NCAM1: variants seen among roughly 807,000 people sequenced by gnomAD.
NCAM1 encodes antigen recognized by monoclonal antibody 5.1H11.
Under a neutral mutation model 109.8 loss-of-function variants are expected in NCAM1, and 14 were observed. The ratio of observed to expected loss-of-function variants is 0.13; its 90% confidence interval spans 0.08 to 0.20. NCAM1 has a LOEUF of 0.20. Ranked by LOEUF, NCAM1 falls within the 10% of genes least tolerant of loss-of-function variation. The pLI is 1.00. For synonymous variants in NCAM1, 418 were observed against 442.9 expected (o/e 0.94, Z 0.70); for missense variants, 774 against 1,109.9 (o/e 0.70, Z 4.30).
chr11:113,026,500 CT>C (rs1591260746), intron 1 of NCAM1, among the ~76,000 whole-genome samples: 1 of 152,186 alleles, frequency 6.6e-6, no homozygotes, highest in African/African-American at 2.4e-5. Context: ...TCTTCTTGAG[CT>C]AGTGGCACCC....
At chr11:113,190,850 C>T (rs1943654977) in intron 1 of NCAM1, among the ~76,000 whole-genome samples, 1 of 152,034 alleles carries the variant, frequency 6.6e-6, no homozygotes, top group Non-Finnish European at 1.5e-5. Context: ...AGTGTGACCT[C>T]CAACAGGAAT....
At chr11:113,082,535 A>T (rs979049908) in intron 1 of NCAM1, among the ~76,000 whole-genome samples, 2 of 152,244 alleles carry the variant, frequency 1.3e-5, no homozygotes, top group African/African-American at 4.8e-5. Context: ...GTTACTTTTC[A>T]TCGGCTGGAA....
At chr11:113,000,903 G>T (rs1452533589) in intron 1 of NCAM1, among the ~76,000 whole-genome samples, 3 of 147,716 alleles carry the variant, frequency 2.0e-5, no homozygotes, top group Non-Finnish European at 4.5e-5. Flanking sequence ...ACGTGTATAT[G>T]TATATGTGTA....
intron 1 of NCAM1, among the ~76,000 whole-genome samples, chr11:112,994,843 C>T (rs554313783): frequency 6.6e-6 from 1 of 152,212 alleles, no homozygotes; most frequent in African/African-American, 2.4e-5. Context: ...ATCTTGTAAT[C>T]TTTGTTTGTC....
intron 1 of NCAM1, among the ~76,000 whole-genome samples, chr11:113,197,591 G>T (rs1555111050): frequency 6.6e-6 from 1 of 152,098 alleles, no homozygotes; most frequent in East Asian, 1.9e-4. Flanking sequence ...ATCTTGCTTG[G>T]GTGTGTCTAC....
At chr11:112,973,135 A>T (rs1950926551) in intron 1 of NCAM1, among the ~76,000 whole-genome samples, 2 of 152,182 alleles carry the variant, frequency 1.3e-5, no homozygotes, top group East Asian at 3.9e-4. Context: ...GACCTTTAAA[A>T]AATGTTTCTA....
intron 1 of NCAM1, among the ~76,000 whole-genome samples, chr11:113,017,844 A>G (rs985559800): frequency 6.6e-6 from 1 of 152,214 alleles, no homozygotes; most frequent in African/African-American, 2.4e-5. Flanking sequence ...CAATATTACA[A>G]TATTTGAATA....
chr11:113,187,563 C>CTGTGTGTGTGTG (rs33947463), intron 1 of NCAM1, among the ~76,000 whole-genome samples: 2,096 of 147,212 alleles, frequency 0.014, 50 homozygotes, highest in African/African-American at 0.049. Flanking sequence ...GTGTGTGTTT[C>CTGTGTGTGTGTG]TGTGTGTGTG....
At chr11:113,216,354 G>C (rs1386100135) in intron 8 of NCAM1, among the ~76,000 whole-genome samples, 2 of 151,652 alleles carry the variant, frequency 1.3e-5, no homozygotes, top group Middle Eastern at 3.2e-3. Context: ...GGGTTTCACC[G>C]TGTTAGCCAG....
At chr11:113,238,511 A>C (rs547462090) in intron 14 of NCAM1, among the ~76,000 whole-genome samples, 2 of 152,164 alleles carry the variant, frequency 1.3e-5, no homozygotes, top group African/African-American at 4.8e-5. Context: ...GAAAACAGAT[A>C]TCATTGGGAG....
At position 113,214,448 on chromosome 11, in the gene NCAM1, C is replaced by G. The variant is rs528456293; in HGVS notation, c.996C>G (p.Ser332=). The change falls in exon 8 of 20, where the codon TCC becomes TCG. Residue 332 remains serine (S), a synonymous_variant. Transcript: ENST00000316851. ...EEQVTLTCEA[S]GDPIPSITWR... ...AGGTCACTCTTACCTGTGAAGCCTC[C>G]GGAGACCCCATTCCCTCCATCACCT... The G allele has an allele frequency of 6.2e-7, 1 of 1,613,388 alleles. No homozygotes were observed. Among genetic ancestry groups the G allele is most frequent in the Non-Finnish European group, 8.5e-7 (1 of 1,179,608 alleles).
At chr11:112,966,112 A>G (rs1036851913) in intron 1 of NCAM1, among the ~76,000 whole-genome samples, 4 of 152,242 alleles carry the variant, frequency 2.6e-5, no homozygotes, top group Non-Finnish European at 5.9e-5. Flanking sequence ...CAGTTATAAC[A>G]TATAGACTAA....
intron 1 of NCAM1, among the ~76,000 whole-genome samples, chr11:113,170,894 G>A (rs1445590863): frequency 1.3e-5 from 2 of 152,180 alleles, no homozygotes; most frequent in African/African-American, 4.8e-5. Flanking sequence ...GTAAGTAAGG[G>A]CCAGGTAATC....
chr11:113,156,663 C>A (rs185437896), intron 1 of NCAM1, among the ~76,000 whole-genome samples: 1 of 151,982 alleles, frequency 6.6e-6, no homozygotes, highest in African/African-American at 2.4e-5. Flanking sequence ...AGTAGAAAGA[C>A]GAGAATTTTT....
intron 1 of NCAM1, among the ~76,000 whole-genome samples, chr11:113,162,128 G>A (rs368313307): frequency 1.3e-5 from 2 of 152,114 alleles, no homozygotes; most frequent in African/African-American, 2.4e-5. Context: ...TAGTTCCTTG[G>A]GGGGAGGAGC....
intron 1 of NCAM1, among the ~76,000 whole-genome samples, chr11:113,202,090 C>A (rs1219615624): frequency 6.6e-6 from 1 of 152,164 alleles, no homozygotes; most frequent in Non-Finnish European, 1.5e-5. Context: ...AGAGATCACC[C>A]AGAATCTCCC....
Position 113,128,938 on chromosome 11 carries a change from T to G in NCAM1, c.53-73441T>G, listed in dbSNP as rs554280735. 3.9e-4 allele frequency among the ~76,000 whole-genome samples: 59 copies of G among 150,118 alleles called. 3 individuals are homozygous for G. The South Asian group carries it at 0.012, about 31-fold the overall frequency. On this transcript the variant is annotated intron_variant, in intron 1 of 19. Coordinates refer to ENST00000316851, the MANE Select transcript of NCAM1 (RefSeq NM_181351.5). ...GTGTGTGTGTGTGTGTGTGTGTGTG[T>G]GTGTGTGTGTGCATGCGTGCAGGCA...
chr11:113,043,760 C>T (rs1953161089), intron 1 of NCAM1, among the ~76,000 whole-genome samples: 1 of 152,122 alleles, frequency 6.6e-6, no homozygotes, highest in African/African-American at 2.4e-5. Flanking sequence ...TGAGCATGTC[C>T]AGCTTTCCAG....
In NCAM1 at chr11:113,229,868, G is replaced by A. The variant is rs1350993903; in HGVS notation, c.1090-1777G>A. ...AAACACTGCATGTTCTCACTCATAG[G>A]TGGGAATTGAACAATGAGAACACTT... On this transcript the variant is annotated intron_variant, in intron 9 of 19. Coordinates refer to ENST00000316851, the MANE Select transcript of NCAM1 (RefSeq NM_181351.5). Among the ~76,000 whole-genome samples the A allele has an allele frequency of 9.2e-5, 14 of 152,066 alleles. 1 individual carries two copies. Among genetic ancestry groups the A allele is most frequent in the African/African-American group, 2.9e-4 (12 of 41,406 alleles).
Sources: gnomAD v4.1 joint callset for allele counts (sites outside exome capture counted in the v4.1 genomes callset) on GRCh38, gnomAD v4.1.1 for gene constraint, MANE v1.5 for transcripts, NCBI Gene and HGNC (gene_info 2026-07-23, HGNC 2026-07-21) for gene names.